Variants in ARHGAP32 observed in about 807,000 individuals in gnomAD.
The protein encoded by ARHGAP32 is Rho GTPase activating protein 32.
In ARHGAP32, 51 loss-of-function variants were observed where a neutral mutation model predicts 186.5. That is an observed-to-expected ratio of 0.27 (90% CI 0.22 to 0.35). The LOEUF (loss-of-function observed/expected upper bound fraction) is 0.35, where lower values mean the gene tolerates loss of function less well. Among genes scored for constraint, ARHGAP32 ranks in the 10% least tolerant of loss-of-function variants. ARHGAP32 has a pLI of 1.00. For synonymous variants in ARHGAP32, 950 were observed against 964.3 expected (o/e 0.99, Z 0.27); for missense variants, 2,186 against 2,623.5 (o/e 0.83, Z 3.64).
intron 11 of ARHGAP32, among the ~76,000 whole-genome samples, chr11:129,013,588 T>C (rs368748049): frequency 3.3e-5 from 5 of 152,192 alleles, no homozygotes; most frequent in Non-Finnish European, 7.3e-5. Context: ...AATTAAATAA[T>C]CAATTATTTA....
intron 5 of ARHGAP32, among the ~76,000 whole-genome samples, chr11:129,117,786 G>A (rs1449879884): frequency 1.3e-5 from 2 of 151,594 alleles, no homozygotes; most frequent in Non-Finnish European, 2.9e-5. Context: ...CACACTAGAT[G>A]GCGGTACAAC....
chr11:129,250,964 C>A (rs1945174721), intron 1 of ARHGAP32, among the ~76,000 whole-genome samples: 1 of 152,118 alleles, frequency 6.6e-6, no homozygotes, highest in Non-Finnish European at 1.5e-5. Flanking sequence ...AGTTATTTAT[C>A]CAAGTAACAA....
At chr11:129,245,344 C>T (rs1945077655) in intron 1 of ARHGAP32, among the ~76,000 whole-genome samples, 1 of 148,800 alleles carries the variant, frequency 6.7e-6, no homozygotes, top group Admixed American at 6.8e-5. Context: ...TAAACTATCT[C>T]AAGAACAAAA....
intron 1 of ARHGAP32, among the ~76,000 whole-genome samples, chr11:129,250,948 TTAAA>T (rs1227309985): frequency 6.6e-6 from 1 of 152,190 alleles, no homozygotes; most frequent in Admixed American, 6.5e-5. Flanking sequence ...TTTTTGCCTT[TTAAA>T]TAGTTATTTA....
intron 10 of ARHGAP32, among the ~76,000 whole-genome samples, chr11:129,043,977 C>CCAAT (rs1169964654): frequency 3.3e-5 from 5 of 151,962 alleles, no homozygotes; most frequent in Non-Finnish European, 7.4e-5. Context: ...AGTGGAAACT[C>CCAAT]ATTGGTTTTT....
chr11:129,020,869 A>G (rs995121308), intron 11 of ARHGAP32, among the ~76,000 whole-genome samples: 2 of 152,214 alleles, frequency 1.3e-5, no homozygotes, highest in East Asian at 3.9e-4. Flanking sequence ...ACTTTTGATC[A>G]ATATATCACA....
chr11:129,247,555 T>C (rs1174901710), intron 1 of ARHGAP32, among the ~76,000 whole-genome samples: 1 of 152,206 alleles, frequency 6.6e-6, no homozygotes, highest in Admixed American at 6.5e-5. Context: ...TAAAAATATG[T>C]TTATTTCATC....
At chr11:129,246,164 G>A (rs1407109654) in intron 1 of ARHGAP32, among the ~76,000 whole-genome samples, 2 of 152,198 alleles carry the variant, frequency 1.3e-5, no homozygotes, top group African/African-American at 4.8e-5. Context: ...GTCATCTTGA[G>A]CTTGGGGAAA....
chr11:128,972,841 T>A lies in ARHGAP32; in HGVS notation c.3665A>T (p.Tyr1222Phe). Reference protein sequence around the residue: ...LDQDQSPPRFYSGDQPPSYLG... With the variant: ...LDQDQSPPRFFSGDQPPSYLG... ...ATAAGAAGGAGGCTGATCTCCACTGTAGAAACGGGGTGGAGACTGGTCCTG... is the reference window on the plus strand; with the variant it reads ...ATAAGAAGGAGGCTGATCTCCACTGAAGAAACGGGGTGGAGACTGGTCCTG... Residue 1222 changes from tyrosine to phenylalanine, a missense_variant, in exon 22 of 23, where the codon TAC becomes TTC. Tyr to Phe is a conservative substitution (Grantham distance 22). This residue lies in a region of ARHGAP32 where 1,502 missense variants were observed against 1,570.0 expected (regional missense o/e 0.96). Transcript: ENST00000682385. 2 of 1,614,020 alleles carry A rather than the reference T, an allele frequency of 1.2e-6. No individual in the cohort carries two copies. Among genetic ancestry groups the A allele is most frequent in the Non-Finnish European group, 8.5e-7 (1 of 1,179,998 alleles).
chr11:129,272,076 A>G (rs1945480358), intron 1 of ARHGAP32, among the ~76,000 whole-genome samples: 1 of 152,198 alleles, frequency 6.6e-6, no homozygotes, highest in East Asian at 1.9e-4. Context: ...GGTGAAGAAG[A>G]AGGTACAGCA....
intron 1 of ARHGAP32, among the ~76,000 whole-genome samples, chr11:129,206,375 C>T (rs1477077008): frequency 6.6e-6 from 1 of 152,046 alleles, no homozygotes; most frequent in Non-Finnish European, 1.5e-5. Context: ...CCATGCCTGG[C>T]TAGTTTTTAA....
chr11:129,117,070 T>C lies in ARHGAP32; in HGVS notation c.444+6376A>G, dbSNP rs138521522. 4.2e-3 allele frequency among the ~76,000 whole-genome samples: 637 copies of C among 152,152 alleles called. 9 individuals carry two copies. Among genetic ancestry groups the C allele is most frequent in the African/African-American group, 0.014 (597 of 41,538 alleles). On this transcript the variant is annotated intron_variant, in intron 5 of 22. Coordinates refer to ENST00000682385, the MANE Select transcript of ARHGAP32 (RefSeq NM_001378024.1). ...CTGCAGTATTATGTATCATACTTTT[T>C]AACCTTCAACTACATTAAAGATGCG...
intron 11 of ARHGAP32, among the ~76,000 whole-genome samples, chr11:129,012,067 C>T (rs1938110695): frequency 6.6e-6 from 1 of 152,114 alleles, no homozygotes; most frequent in Non-Finnish European, 1.5e-5. Context: ...TATAGCTTGA[C>T]TTCTGAATCA....
rs139672487 is a variant in ARHGAP32 at position 128,979,881 on chromosome 11, GTTA to G, written c.1976+669_1976+671del. Among the ~76,000 whole-genome samples the G allele has an allele frequency of 5.5e-3, 838 of 152,300 alleles. 11 individuals carry two copies. The highest frequency in any genetic ancestry group is 0.019 in the African/African-American group (786 of 41,556). ...CTAGTAAAGAAGATACAGAAACCAT[GTTA>G]TTATCATTTCTTTAGAGTAATAGAA... On this transcript the variant is annotated intron_variant, in intron 18 of 22. Transcript: ENST00000682385.
intron 6 of ARHGAP32, among the ~76,000 whole-genome samples, chr11:129,088,448 C>T (rs1253272589): frequency 6.6e-6 from 1 of 152,022 alleles, no homozygotes; most frequent in Non-Finnish European, 1.5e-5. Context: ...GGCACTGTGG[C>T]ATGTGTCTGT....
chr11:129,164,694 A>T (rs538748580), intron 1 of ARHGAP32, among the ~76,000 whole-genome samples: 26 of 152,316 alleles, frequency 1.7e-4, no homozygotes, highest in African/African-American at 6.0e-4. Context: ...ATAAAAACTG[A>T]TTTTTATCAG....
intron 11 of ARHGAP32, among the ~76,000 whole-genome samples, chr11:129,039,178 G>A (rs1054292395): frequency 6.6e-6 from 1 of 152,164 alleles, no homozygotes; most frequent in African/African-American, 2.4e-5. Context: ...CAATGGTGCA[G>A]CTGGCAGTTC....
intron 12 of ARHGAP32, among the ~76,000 whole-genome samples, chr11:128,990,529 T>C (rs766904987): frequency 3.3e-5 from 5 of 152,214 alleles, no homozygotes; most frequent in African/African-American, 4.8e-5. Context: ...AACTACATGC[T>C]TTCTACCTCT....
At chr11:129,263,587 G>C (rs1805239907) in intron 1 of ARHGAP32, among the ~76,000 whole-genome samples, 1 of 119,022 alleles carries the variant, frequency 8.4e-6, no homozygotes. Flanking sequence ...GGAGGAAGAG[G>C]AGGAGAAGGA....
Sources: allele counts gnomAD v4.1 joint callset (sites outside exome capture counted in the v4.1 genomes callset), GRCh38; gene constraint gnomAD v4.1.1; regional missense constraint gnomAD v4.1.1; transcripts MANE v1.5; gene names NCBI Gene and HGNC (gene_info 2026-07-23, HGNC 2026-07-21).